CTNNA1: variants seen among roughly 807,000 people sequenced by gnomAD.
CTNNA1 encodes the protein catenin alpha-1.
A neutral mutation model predicts 98.4 loss-of-function variants in CTNNA1; 37 were observed. That is an observed-to-expected ratio of 0.38 (90% CI 0.29 to 0.49). The LOEUF is 0.49. CTNNA1 is among the 20% of genes least tolerant of loss of function. The pLI, the probability that CTNNA1 is intolerant of heterozygous loss-of-function variation, is 0.95. For synonymous variants in CTNNA1, 404 were observed against 413.2 expected, an observed-to-expected ratio of 0.98 and a Z score of 0.27; for missense variants, 761 against 1,147.2, an observed-to-expected ratio of 0.66 and a Z score of 4.86.
intron 10 of CTNNA1, among the ~76,000 whole-genome samples, chr5:138,909,817 C>G (rs1351096812): frequency 6.6e-6 from 1 of 152,128 alleles, no homozygotes; most frequent in Admixed American, 6.6e-5. Flanking sequence ...TAAGCATAAA[C>G]TCAGGCTGGC....
chr5:138,900,382 T>C (rs542976190), intron 9 of CTNNA1, among the ~76,000 whole-genome samples: 5 of 152,192 alleles, frequency 3.3e-5, no homozygotes, highest in Non-Finnish European at 5.9e-5. Flanking sequence ...TAAACTGTTA[T>C]GAGAGTCAGT....
chr5:138,771,313 G>T (rs1753529025), intron 1 of CTNNA1, among the ~76,000 whole-genome samples: 1 of 151,726 alleles, frequency 6.6e-6, no homozygotes, highest in Admixed American at 6.6e-5. Context: ...ATTGCCTTTG[G>T]TGCCCTCAAG....
chr5:138,772,801 ATAGAATT>A (rs1753686678), intron 1 of CTNNA1, among the ~76,000 whole-genome samples: 1 of 151,442 alleles, frequency 6.6e-6, no homozygotes, highest in Non-Finnish European at 1.5e-5. Context: ...GATTTGGAGT[ATAGAATT>A]CAACTTCTTT....
chr5:138,852,935 A>G (rs189293682), intron 7 of CTNNA1, among the ~76,000 whole-genome samples: 2 of 152,038 alleles, frequency 1.3e-5, no homozygotes, highest in East Asian at 1.9e-4. Context: ...ACAAATGTTC[A>G]CAAACCTGCA....
intron 5 of CTNNA1, among the ~76,000 whole-genome samples, chr5:138,818,239 G>A (rs1393499320): frequency 6.8e-6 from 1 of 147,316 alleles, no homozygotes; most frequent in Non-Finnish European, 1.5e-5. Context: ...CTCCCAAATT[G>A]CTGGGGCTAC....
At chr5:138,783,006 A>C (rs994743863) in intron 2 of CTNNA1, among the ~76,000 whole-genome samples, 171 bp from the exon 3 acceptor site, 2 of 152,256 alleles carry the variant, frequency 1.3e-5, no homozygotes, top group African/African-American at 4.8e-5. Flanking sequence ...ATTATTTTGG[A>C]AATTAAATAT....
intron 1 of CTNNA1, among the ~76,000 whole-genome samples, chr5:138,772,798 AGT>A (rs1357454639): frequency 2.0e-5 from 3 of 151,560 alleles, no homozygotes; most frequent in African/African-American, 7.3e-5. Context: ...AGGGATTTGG[AGT>A]ATAGAATTCA....
At chr5:138,855,311 A>C (rs1028958250) in intron 7 of CTNNA1, among the ~76,000 whole-genome samples, 1 of 152,226 alleles carries the variant, frequency 6.6e-6, no homozygotes, top group Non-Finnish European at 1.5e-5. Flanking sequence ...TGCTGTGATT[A>C]TAGGCGTGAG....
chr5:138,833,931 G>GAA (rs1761529604), intron 7 of CTNNA1, among the ~76,000 whole-genome samples: 1 of 152,140 alleles, frequency 6.6e-6, no homozygotes, highest in Non-Finnish European at 1.5e-5. Context: ...GACATACTTT[G>GAA]GTTGGACTGG....
intron 7 of CTNNA1, 168 bp downstream of exon 7, chr5:138,827,886 C>T: frequency 1.3e-6 from 1 of 746,068 alleles, no homozygotes; most frequent in Non-Finnish European, 2.1e-6. Context: ...CTAAGTGGCT[C>T]TTTCCTCTCT....
chr5:138,782,188 G>A lies in CTNNA1; in HGVS notation c.105+159G>A, dbSNP rs184748408. The A allele has an allele frequency of 9.0e-4, 657 of 730,296 alleles. 4 individuals carry two copies. The African/African-American group carries it at 9.9e-3, about 11-fold the overall frequency. 45.2% of individuals were successfully genotyped at this position (730,296 alleles called of 1,614,324 possible). ...ATTTGAATATTGATGCATGGGTTTA[G>A]TTAACCCTTGAGAACGCTGCTGCTG... On this transcript the variant is annotated intron_variant, in intron 2 of 17. Coordinates refer to ENST00000302763, the MANE Select transcript of CTNNA1 (RefSeq NM_001903.5).
chr5:138,829,668 A>G (rs1422927845), intron 7 of CTNNA1, among the ~76,000 whole-genome samples: 1 of 152,214 alleles, frequency 6.6e-6, no homozygotes, highest in Non-Finnish European at 1.5e-5. Context: ...ATTTATACTG[A>G]AGACATGGAG....
At chr5:138,795,151 CAAAAAAA>C (rs35532090) in intron 3 of CTNNA1, among the ~76,000 whole-genome samples, 1 of 81,678 alleles carries the variant, frequency 1.2e-5, no homozygotes, top group Non-Finnish European at 2.4e-5. Flanking sequence ...GTGAGACTCT[CAAAAAAA>C]AAAAAAAAAA....
intron 1 of CTNNA1, among the ~76,000 whole-genome samples, chr5:138,781,086 C>G (rs1755044973): frequency 6.6e-6 from 1 of 152,092 alleles, no homozygotes; most frequent in African/African-American, 2.4e-5. Flanking sequence ...GCTGTGGGTG[C>G]AGAGGGCAGC....
chr5:138,793,082 C>T (rs766509756), intron 3 of CTNNA1, among the ~76,000 whole-genome samples: 2 of 152,168 alleles, frequency 1.3e-5, no homozygotes, highest in Non-Finnish European at 2.9e-5. Flanking sequence ...TCAGATGTTC[C>T]TGAAGACTGT....
chr5:138,851,970 T>C (rs536152649), intron 7 of CTNNA1, among the ~76,000 whole-genome samples: 1 of 151,930 alleles, frequency 6.6e-6, no homozygotes, highest in African/African-American at 2.4e-5. Flanking sequence ...CTCGGAAGGC[T>C]GAGGCAGGAG....
chr5:138,799,578 A>C (rs1274871377), intron 3 of CTNNA1, among the ~76,000 whole-genome samples: 1 of 151,558 alleles, frequency 6.6e-6, no homozygotes, highest in Non-Finnish European at 1.5e-5. Context: ...TTTTACATTT[A>C]ATTTTGAAAT....
chr5:138,865,092 G>A (rs867607449), intron 7 of CTNNA1, among the ~76,000 whole-genome samples: 1 of 152,182 alleles, frequency 6.6e-6, no homozygotes, highest in African/African-American at 2.4e-5. Flanking sequence ...GATTACAGGC[G>A]TGAGCCACCG....
chr5:138,907,621 A>T (rs987966548), intron 10 of CTNNA1, among the ~76,000 whole-genome samples: 1 of 152,198 alleles, frequency 6.6e-6, no homozygotes, highest in African/African-American at 2.4e-5. Flanking sequence ...TTCCCTTCCA[A>T]GGTCTAGGCA....
Sources: gnomAD v4.1 joint callset for allele counts (sites outside exome capture counted in the v4.1 genomes callset) on GRCh38, gnomAD v4.1.1 for gene constraint, MANE v1.5 for transcripts, NCBI Gene and HGNC (gene_info 2026-07-23, HGNC 2026-07-21) for gene names.